NXPE1: variants seen among roughly 807,000 people sequenced by gnomAD.
NXPE1 encodes NXPE family member 1.
NXPE1 carries 31 observed loss-of-function variants against 33.3 expected under a neutral mutation model. The observed-to-expected ratio is 0.93, with a 90% confidence interval of 0.70 to 1.26. The LOEUF is 1.26. Ranked by LOEUF, NXPE1 falls within the 50% of genes most tolerant of loss-of-function variation. The probability of loss-of-function intolerance (pLI) is 0.00; values close to 1 mark genes in which losing one functional copy is unlikely to be tolerated. For synonymous variants in NXPE1, 229 were observed against 231.4 expected (o/e 0.99, Z 0.09); for missense variants, 661 against 655.6 (o/e 1.01, Z -0.09).
chr11:114,534,441 C>T (rs1048983987), intron 5 of NXPE1, among the ~76,000 whole-genome samples: 2 of 152,188 alleles, frequency 1.3e-5, no homozygotes, highest in African/African-American at 2.4e-5. Flanking sequence ...CGGAGAATGA[C>T]TTTGACGAGT....
intron 1 of NXPE1, among the ~76,000 whole-genome samples, chr11:114,559,031 A>G (rs1362583725): frequency 1.3e-5 from 2 of 152,248 alleles, no homozygotes; most frequent in African/African-American, 2.4e-5. Flanking sequence ...TTTACCTGTA[A>G]TATGAAGAGC....
intron 5 of NXPE1, among the ~76,000 whole-genome samples, chr11:114,542,260 A>G (rs1447928402): frequency 1.3e-5 from 2 of 152,222 alleles, no homozygotes. Flanking sequence ...GAAAGAAAAT[A>G]TGAGCCAGAA....
intron 5 of NXPE1, among the ~76,000 whole-genome samples, chr11:114,541,899 A>T (rs1948110948): frequency 6.6e-6 from 1 of 151,878 alleles, no homozygotes; most frequent in Non-Finnish European, 1.5e-5. Context: ...CTCAATGTTT[A>T]TCTGTTAGAT....
intron 5 of NXPE1, among the ~76,000 whole-genome samples, chr11:114,550,445 C>T (rs78412135): frequency 6.6e-6 from 1 of 151,896 alleles, no homozygotes; most frequent in Non-Finnish European, 1.5e-5. Context: ...TAGTATGCTA[C>T]GGAGGCCGCA....
intron 5 of NXPE1, among the ~76,000 whole-genome samples, chr11:114,536,440 G>A (rs1947827964): frequency 1.3e-5 from 2 of 152,164 alleles, no homozygotes; most frequent in African/African-American, 2.4e-5. Flanking sequence ...ATCAGAGCAG[G>A]ACTGAAGGAA....
At position 114,537,460 on chromosome 11, in the gene NXPE1, G is replaced by A. The variant is rs566134933; in HGVS notation, c.100-6552C>T. Among the ~76,000 whole-genome samples, 31 of 152,244 alleles carry A rather than the reference G, an allele frequency of 2.0e-4. No individual in the cohort carries two copies. The South Asian group carries it at 3.3e-3, about 16-fold the overall frequency. ...ATGAGGCAGGAGAAGGGGATAAAGG[G>A]CATTCAATTAGGAAAAGAGGAAGTC... On this transcript the variant is annotated intron_variant, in intron 5 of 8. Transcript: ENST00000534921.
At chr11:114,522,897 A>G (rs1336809594) in exon 8 of NXPE1, 1 of 1,612,326 alleles carries the variant, frequency 6.2e-7, no homozygotes, top group South Asian at 1.1e-5. Context: ...ACTTTGGGGA[A>G]GTAGTAGATC....
chr11:114,554,329 T>C (rs1948599870), intron 1 of NXPE1: 4 of 985,126 alleles, frequency 4.1e-6, no homozygotes, highest in African/African-American at 1.7e-5. Flanking sequence ...CCAGGTTCTC[T>C]TTCCTCTTCC....
intron 7 of NXPE1, among the ~76,000 whole-genome samples, chr11:114,523,591 T>G (rs1333792682): frequency 6.6e-6 from 1 of 152,216 alleles, no homozygotes; most frequent in Non-Finnish European, 1.5e-5. Context: ...GCTTGACAAT[T>G]TTTTGTAAAA....
At chr11:114,522,314 G>T (rs779709391) in exon 9 of NXPE1, 2 of 1,614,050 alleles carry the variant, frequency 1.2e-6, no homozygotes, top group Non-Finnish European at 1.7e-6. Context: ...GATGACGATG[G>T]CTGTGTTTTT....
Position 114,530,389 on chromosome 11 carries a change from C to CA in NXPE1, c.618_619insT (p.Gly207TrpfsTer5). 3 of 1,614,184 alleles carry CA rather than the reference C, an allele frequency of 1.9e-6. No individual in the cohort carries two copies. Among genetic ancestry groups the CA allele is most frequent in the Non-Finnish European group, 2.5e-6 (3 of 1,180,024 alleles). The stretch of plus-strand genomic sequence containing the variant: ...TGAGAGGTGCCATTAACAAATTTGC[C>CA]TTTGAAAATAATTTTATCATAGCCT... On this transcript the variant is annotated frameshift_variant, in exon 6 of 9. Coordinates refer to ENST00000534921, the Ensembl canonical transcript of NXPE1. LOFTEE classifies it high-confidence loss of function.
intron 5 of NXPE1, among the ~76,000 whole-genome samples, chr11:114,545,146 A>G (rs1434879082): frequency 6.6e-6 from 1 of 152,216 alleles, no homozygotes; most frequent in Non-Finnish European, 1.5e-5. Flanking sequence ...ACTTTGAAAG[A>G]CACTTTGATA....
chr11:114,558,412 A>G lies in NXPE1; in HGVS notation c.-211+1386T>C, dbSNP rs149408172. Among the ~76,000 whole-genome samples, 1,254 of 152,220 alleles carry G rather than the reference A, an allele frequency of 8.2e-3. 21 individuals are homozygous for G. Among genetic ancestry groups the G allele is most frequent in the African/African-American group, 0.029 (1,203 of 41,550 alleles). ...TGCCTTGTTTTCATAGTTAGTTTCAACATTTTACTATGTGTAATTAAATAT... is the reference window on the plus strand; with the variant it reads ...TGCCTTGTTTTCATAGTTAGTTTCAGCATTTTACTATGTGTAATTAAATAT... On this transcript the variant is annotated intron_variant, in intron 1 of 8. Coordinates refer to ENST00000534921, the Ensembl canonical transcript of NXPE1.
chr11:114,555,719 G>T (rs1392015724), intron 1 of NXPE1, among the ~76,000 whole-genome samples: 1 of 152,116 alleles, frequency 6.6e-6, no homozygotes, highest in Non-Finnish European at 1.5e-5. Context: ...CACAGATTTA[G>T]TTTTTGGCAC....
intron 6 of NXPE1, chr11:114,529,139 G>C (rs1947477692): frequency 8.1e-6 from 2 of 248,368 alleles, no homozygotes; most frequent in Admixed American, 1.1e-4. Flanking sequence ...CTGCTAGAAA[G>C]GGATTTCTGT....
chr11:114,552,085 A>AG (rs1168815380), the NXPE1 span: 2 of 152,214 alleles, frequency 1.3e-5, no homozygotes, highest in African/African-American at 2.4e-5. Flanking sequence ...CAATTTAGAT[A>AG]CTTCACAGGC....
downstream of NXPE1, among the ~76,000 whole-genome samples, chr11:114,519,850 G>A (rs897918604): frequency 6.6e-6 from 1 of 152,062 alleles, no homozygotes; most frequent in African/African-American, 2.4e-5. Context: ...GATTACTGTA[G>A]TCAGTATATT....
At chr11:114,521,858 C>G in exon 9 of NXPE1, 1 of 855,952 alleles carries the variant, frequency 1.2e-6, no homozygotes, top group Non-Finnish European at 1.8e-6. Context: ...CAAACAGATT[C>G]TTTTAAATTT....
intron 5 of NXPE1, among the ~76,000 whole-genome samples, chr11:114,545,311 C>G (rs1473146930): frequency 6.6e-6 from 1 of 152,142 alleles, no homozygotes; most frequent in Admixed American, 6.5e-5. Flanking sequence ...CTGGAAGCAA[C>G]CAAGAGCTCT....
Sources: allele counts gnomAD v4.1 joint callset (sites outside exome capture counted in the v4.1 genomes callset), GRCh38; gene constraint gnomAD v4.1.1; transcripts MANE v1.5; gene names NCBI Gene and HGNC (gene_info 2026-07-23, HGNC 2026-07-21).